The following SLC25A46 variants were observed in gnomAD, a reference collection of about 807,000 sequenced individuals.
SLC25A46 encodes the protein solute carrier family 25 member 46.
A neutral mutation model predicts 44.6 loss-of-function variants in SLC25A46; 39 were observed. That is an observed-to-expected ratio of 0.87 (90% CI 0.68 to 1.14). The LOEUF is 1.14. SLC25A46 is among the 50% of genes most tolerant of loss of function. The pLI is 0.00. For synonymous variants in SLC25A46, 202 were observed against 185.8 expected (o/e 1.09, Z -0.71); for missense variants, 547 against 522.7 (o/e 1.05, Z -0.45).
chr5:110,758,985 T>G lies in SLC25A46; in HGVS notation c.679-2219T>G, dbSNP rs1800181105. Among the ~76,000 whole-genome samples, 3 of 152,280 alleles carry G rather than the reference T, an allele frequency of 2.0e-5. No homozygotes were observed. In the South Asian group the frequency reaches 6.2e-4, roughly 32 times the overall value. On this transcript the variant is annotated intron_variant, in intron 7 of 7. Transcript: ENST00000355943. ...TAAACCAAGGTTTTAATTACATCAC[T>G]TTACCTTTCAGATTTGCAGATTATC...
chr5:110,760,337 C>T (rs1800217902), intron 7 of SLC25A46, among the ~76,000 whole-genome samples: 1 of 152,056 alleles, frequency 6.6e-6, no homozygotes, highest in South Asian at 2.1e-4. Context: ...GGAATCATTC[C>T]AGTAACTTTT....
chr5:110,745,402 C>T (rs1247418579), intron 3 of SLC25A46, among the ~76,000 whole-genome samples: 1 of 152,010 alleles, frequency 6.6e-6, no homozygotes, highest in South Asian at 2.1e-4. Flanking sequence ...TACAGGAGCC[C>T]GCCACCGTGC....
intron 5 of SLC25A46, among the ~76,000 whole-genome samples, chr5:110,748,872 T>C (rs1799884398): frequency 6.6e-6 from 1 of 152,170 alleles, no homozygotes; most frequent in African/African-American, 2.4e-5. Flanking sequence ...TAAAATACGA[T>C]TGTGCCTTTT....
intron 7 of SLC25A46, 21 bp downstream of exon 7, chr5:110,756,780 A>ATT: frequency 2.7e-5 from 37 of 1,380,036 alleles, no homozygotes; most frequent in Middle Eastern, 2.0e-4. Flanking sequence ...TTTTACTGTC[A>ATT]TTTTTTTTTT....
At chr5:110,752,275 A>T (rs1462264720) in intron 5 of SLC25A46, among the ~76,000 whole-genome samples, 1 of 152,162 alleles carries the variant, frequency 6.6e-6, no homozygotes, top group African/African-American at 2.4e-5. Context: ...CAAATTATAT[A>T]TTAGCCAGGA....
chr5:110,753,649 C>T (rs1800028281), intron 5 of SLC25A46: 1 of 152,052 alleles, frequency 6.6e-6, no homozygotes, highest in East Asian at 1.9e-4. Context: ...GTAAATTTTA[C>T]CCATTTTATA....
chr5:110,740,451 G>A (rs950969546), intron 1 of SLC25A46, among the ~76,000 whole-genome samples: 3 of 152,118 alleles, frequency 2.0e-5, no homozygotes, highest in African/African-American at 7.2e-5. Flanking sequence ...CCGGTTTAAA[G>A]TTATGCTTTG....
chr5:110,760,131 T>C (rs1356326837), intron 7 of SLC25A46, among the ~76,000 whole-genome samples: 1 of 152,158 alleles, frequency 6.6e-6, no homozygotes, highest in East Asian at 1.9e-4. Flanking sequence ...ATTTTTCATC[T>C]CAATAAAAGG....
At position 110,751,644 on chromosome 5, in the gene SLC25A46, G is replaced by A. The variant is rs115782175; in HGVS notation, c.563+3381G>A. On this transcript the variant is annotated intron_variant, in intron 5 of 7. Coordinates refer to ENST00000355943, the MANE Select transcript of SLC25A46 (RefSeq NM_138773.4). ...ACTGTAGATGAAAAGGTTGTATGAG[G>A]ACCAAAGTGAATAAAAGGAGACATC... Among the ~76,000 whole-genome samples the A allele has an allele frequency of 2.8e-3, 432 of 152,236 alleles. 2 individuals carry two copies. The highest frequency in any genetic ancestry group is 9.8e-3 in the African/African-American group (407 of 41,554).
intron 2 of SLC25A46, 125 bp downstream of exon 2, chr5:110,742,214 T>A: frequency 3.4e-6 from 2 of 591,368 alleles, no homozygotes; most frequent in Non-Finnish European, 5.6e-6. Context: ...GCAGCTTAAA[T>A]TTTGAATAAT....
chr5:110,742,249 T>C (rs1228569970), intron 2 of SLC25A46, among the ~76,000 whole-genome samples, 160 bp downstream of exon 2: 3 of 152,152 alleles, frequency 2.0e-5, no homozygotes, highest in Non-Finnish European at 4.4e-5. Flanking sequence ...AAATGACCAT[T>C]ATTTAAAATA....
intron 1 of SLC25A46, among the ~76,000 whole-genome samples, chr5:110,741,466 G>A (rs1799688938): frequency 6.6e-6 from 1 of 152,126 alleles, no homozygotes; most frequent in African/African-American, 2.4e-5. Context: ...TAATTTAGAG[G>A]TGCTTTACTT....
chr5:110,763,594 A>G lies in SLC25A46; in HGVS notation c.*1812A>G, dbSNP rs575477529. 1.3e-3 allele frequency: 198 copies of G among 152,028 alleles called. No homozygotes were observed. The highest frequency in any genetic ancestry group is 4.6e-3 in the African/African-American group (193 of 41,544). 9.4% of individuals were successfully genotyped at this position (152,028 alleles called of 1,614,324 possible). A position where few individuals can be genotyped will look rare whatever the true frequency, so the allele number is the denominator to read the frequency against. On this transcript the variant is annotated 3_prime_UTR_variant, in exon 8 of 8. Coordinates refer to ENST00000355943, the MANE Select transcript of SLC25A46 (RefSeq NM_138773.4). ...TAAACCAGAAAATTTCAAGTTTGAA[A>G]AATTTCTAGAAAAGAATCTGAATAG...
chr5:110,754,736 C>T (rs563307689), intron 5 of SLC25A46: 1 of 152,184 alleles, frequency 6.6e-6, no homozygotes, highest in African/African-American at 2.4e-5. Context: ...CTGCTTATCT[C>T]ACAAGGTTCT....
At chr5:110,743,651 A>T in intron 2 of SLC25A46, 79 bp from the exon 3 acceptor site, 5 of 737,420 alleles carry the variant, frequency 6.8e-6, no homozygotes, top group Non-Finnish European at 1.0e-5. Flanking sequence ...TCAGGCAAGA[A>T]TAATTTCAGA....
intron 5 of SLC25A46, chr5:110,755,147 C>T: frequency 5.4e-6 from 1 of 186,420 alleles, no homozygotes; most frequent in Non-Finnish European, 1.1e-5. Context: ...GTTTCCATAT[C>T]TATTCTCTTT....
rs553434753 is a variant in SLC25A46, at chr5:110,745,398, A to C, written c.385-871A>C. The stretch of plus-strand genomic sequence containing the variant: ...CCTCCCGAGTAGCTGGGACTACAGG[A>C]GCCCGCCACCGTGCCCAGCTAATTT... On this transcript the variant is annotated intron_variant, in intron 3 of 7. Transcript: ENST00000355943. Among the ~76,000 whole-genome samples, 1,023 of 151,930 alleles carry C rather than the reference A, an allele frequency of 6.7e-3. 6 individuals carry two copies. Among genetic ancestry groups the C allele is most frequent in the Middle Eastern group, 0.021 (6 of 292 alleles).
At chr5:110,747,710 T>A (rs1442943365) in intron 4 of SLC25A46, among the ~76,000 whole-genome samples, 1 of 152,106 alleles carries the variant, frequency 6.6e-6, no homozygotes, top group Non-Finnish European at 1.5e-5. Context: ...ACCTGGGGAC[T>A]GATTAGATAG....
chr5:110,742,200 A>G, intron 2 of SLC25A46, 111 bp downstream of exon 2: 1 of 657,182 alleles, frequency 1.5e-6, no homozygotes, highest in Admixed American at 3.6e-5. Context: ...GTTTCTTTGA[A>G]GCAGCAGCTT....
Sources: allele counts gnomAD v4.1 joint callset (sites outside exome capture counted in the v4.1 genomes callset), GRCh38; gene constraint gnomAD v4.1.1; transcripts MANE v1.5; gene names NCBI Gene and HGNC (gene_info 2026-07-23, HGNC 2026-07-21).